Variants in CAMK2D observed in about 807,000 individuals in gnomAD.
CAMK2D encodes the protein calcium/calmodulin dependent protein kinase II delta.
A neutral mutation model predicts 84.0 loss-of-function variants in CAMK2D; 37 were observed. The observed-to-expected ratio is 0.44, with a 90% CI of 0.34 to 0.58. CAMK2D has a LOEUF of 0.58. Ranked by LOEUF, CAMK2D falls within the 20% of genes least tolerant of loss-of-function variation. The pLI, the probability that CAMK2D is intolerant of heterozygous loss-of-function variation, is 0.02. For synonymous variants in CAMK2D, 202 were observed against 212.5 expected (o/e 0.95, Z 0.43); for missense variants, 448 against 652.5 (o/e 0.69, Z 3.41).
At chr4:113,654,409 C>T (rs2099189508) in intron 3 of CAMK2D, among the ~76,000 whole-genome samples, 2 of 151,976 alleles carry the variant, frequency 1.3e-5, no homozygotes, top group Non-Finnish European at 2.9e-5. Context: ...CATCTTTAAG[C>T]AGAGCATCTT....
intron 3 of CAMK2D, among the ~76,000 whole-genome samples, chr4:113,625,596 T>G (rs550005311): frequency 6.6e-6 from 1 of 152,180 alleles, no homozygotes; most frequent in Non-Finnish European, 1.5e-5. Flanking sequence ...TTGACCAGTT[T>G]GAGAAACAGT....
intron 4 of CAMK2D, among the ~76,000 whole-genome samples, chr4:113,565,097 G>A (rs1441884666): frequency 6.6e-6 from 1 of 152,154 alleles, no homozygotes; most frequent in African/African-American, 2.4e-5. Context: ...ACAGGATGTG[G>A]TCAATCTCCT....
chr4:113,495,983 C>G (rs1307945234), intron 16 of CAMK2D, among the ~76,000 whole-genome samples: 9 of 152,076 alleles, frequency 5.9e-5, no homozygotes, highest in Admixed American at 5.2e-4. Context: ...GGACATGTAC[C>G]CATCAGGAGG....
chr4:113,538,016 G>A (rs1453856892), intron 6 of CAMK2D, among the ~76,000 whole-genome samples: 4 of 151,894 alleles, frequency 2.6e-5, no homozygotes, highest in Non-Finnish European at 5.9e-5. Context: ...CTGTCTTTAA[G>A]AATCTGTTTA....
At chr4:113,536,924 A>G (rs1393862297) in intron 7 of CAMK2D, among the ~76,000 whole-genome samples, 1 of 152,186 alleles carries the variant, frequency 6.6e-6, no homozygotes, top group Non-Finnish European at 1.5e-5. Context: ...ATCATAAAGT[A>G]TTATATGTGA....
At chr4:113,604,442 G>GGATTTT (rs1256570302) in intron 4 of CAMK2D, among the ~76,000 whole-genome samples, 4 of 151,968 alleles carry the variant, frequency 2.6e-5, no homozygotes, top group African/African-American at 9.7e-5. Context: ...TTTTTCTAAT[G>GGATTTT]CTTTATTGGA....
In CAMK2D at chr4:113,654,539, G is replaced by A. The variant is rs558605827; in HGVS notation, c.220+7174C>T. On this transcript the variant is annotated intron_variant, in intron 3 of 20. Transcript: ENST00000511664. ...TAATATTGAAAGTTTTTTAGTTAAT[G>A]TTTATCTTATGTGAGGGGAGGAATC... is the stretch of plus-strand genomic sequence containing the variant. 8.9e-4 allele frequency among the ~76,000 whole-genome samples: 136 copies of A among 151,988 alleles called. 2 individuals are homozygous for A. Among genetic ancestry groups the A allele is most frequent in the African/African-American group, 3.2e-3 (133 of 41,528 alleles).
At chr4:113,655,363 G>C (rs1364165861) in intron 3 of CAMK2D, among the ~76,000 whole-genome samples, 1 of 152,056 alleles carries the variant, frequency 6.6e-6, no homozygotes, top group East Asian at 1.9e-4. Context: ...AGCCAGTAGA[G>C]AGGAGGTAAT....
At chr4:113,480,138 A>G (rs1376017639) in intron 16 of CAMK2D, among the ~76,000 whole-genome samples, 1 of 151,852 alleles carries the variant, frequency 6.6e-6, no homozygotes, top group African/African-American at 2.4e-5. Flanking sequence ...TTTCTTTTGT[A>G]TTTTAGTAGA....
At chr4:113,459,514 C>A (rs185792855) in intron 18 of CAMK2D, among the ~76,000 whole-genome samples, 1 of 152,022 alleles carries the variant, frequency 6.6e-6, no homozygotes, top group African/African-American at 2.4e-5. Flanking sequence ...CATGAGCCAG[C>A]GTGCCTGCCT....
chr4:113,518,358 T>G (rs2098313319), intron 8 of CAMK2D, among the ~76,000 whole-genome samples: 1 of 152,150 alleles, frequency 6.6e-6, no homozygotes, highest in Admixed American at 6.6e-5. Context: ...TTTGCTAAAA[T>G]TTTTCACAAA....
intron 2 of CAMK2D, among the ~76,000 whole-genome samples, chr4:113,690,301 T>C (rs2099383545): frequency 6.6e-6 from 1 of 152,072 alleles, no homozygotes; most frequent in African/African-American, 2.4e-5. Context: ...AGGTCACAGG[T>C]CCATAACTTC....
At chr4:113,599,070 T>C (rs1300020669) in intron 4 of CAMK2D, among the ~76,000 whole-genome samples, 1 of 152,186 alleles carries the variant, frequency 6.6e-6, no homozygotes. Flanking sequence ...ATGTTAATCA[T>C]TGTATGTCAT....
At chr4:113,557,985 G>T (rs1441992579) in intron 4 of CAMK2D, among the ~76,000 whole-genome samples, 1 of 152,160 alleles carries the variant, frequency 6.6e-6, no homozygotes, top group African/African-American at 2.4e-5. Flanking sequence ...CATAACCTTT[G>T]GTCCCTGAGA....
At chr4:113,594,710 T>G (rs1199591299) in intron 4 of CAMK2D, among the ~76,000 whole-genome samples, 2 of 151,894 alleles carry the variant, frequency 1.3e-5, no homozygotes, top group Non-Finnish European at 2.9e-5. Context: ...GATATGACAA[T>G]AGAAAAAACT....
At chr4:113,651,803 G>T (rs180717741) in intron 3 of CAMK2D, among the ~76,000 whole-genome samples, 17 of 152,156 alleles carry the variant, frequency 1.1e-4, no homozygotes, top group Admixed American at 3.3e-4. Context: ...GTCTTGTACA[G>T]CGATAATAAT....
At chr4:113,610,876 G>A (rs371741583) in intron 3 of CAMK2D, among the ~76,000 whole-genome samples, 3 of 151,728 alleles carry the variant, frequency 2.0e-5, no homozygotes, top group South Asian at 2.1e-4. Context: ...ATATAGTCTC[G>A]TCACCAATAC....
At chr4:113,475,023 T>C (rs1446733578) in intron 16 of CAMK2D, among the ~76,000 whole-genome samples, 5 of 152,232 alleles carry the variant, frequency 3.3e-5, no homozygotes, top group Non-Finnish European at 1.5e-5. Context: ...GTGAGAATGG[T>C]TAAAATCCTT....
chr4:113,726,844 T>A (rs1427555302), intron 2 of CAMK2D, among the ~76,000 whole-genome samples: 1 of 152,124 alleles, frequency 6.6e-6, no homozygotes, highest in Non-Finnish European at 1.5e-5. Flanking sequence ...GGGCTGCACA[T>A]TTTTTTGGAA....
Sources: gnomAD v4.1 joint callset for allele counts (sites outside exome capture counted in the v4.1 genomes callset) on GRCh38, gnomAD v4.1.1 for gene constraint, MANE v1.5 for transcripts, NCBI Gene and HGNC (gene_info 2026-07-23, HGNC 2026-07-21) for gene names.